Variants in MAGI1 observed in about 807,000 individuals in gnomAD.
MAGI1 encodes membrane associated guanylate kinase, WW and PDZ domain containing 1.
MAGI1 carries 58 observed loss-of-function variants against 139.9 expected under a neutral mutation model. The observed-to-expected ratio is 0.41, with a 90% CI of 0.34 to 0.52. The LOEUF is 0.52. Among genes scored for constraint, MAGI1 ranks in the 20% least tolerant of loss-of-function variants. The probability of loss-of-function intolerance (pLI) is 0.12; values close to 1 mark genes in which losing one functional copy is unlikely to be tolerated. For missense variants in MAGI1, 1,874 were observed against 1,901.6 expected, an observed-to-expected ratio of 0.99 and a Z score of 0.27; for synonymous variants, 812 against 737.9, an observed-to-expected ratio of 1.10 and a Z score of -1.63.
At chr3:65,615,793 A>G (rs2083338853) in intron 2 of MAGI1, among the ~76,000 whole-genome samples, 1 of 152,186 alleles carries the variant, frequency 6.6e-6, no homozygotes, top group Admixed American at 6.5e-5. Context: ...ATTTGGCACA[A>G]AACTCCTTGC....
intron 1 of MAGI1, among the ~76,000 whole-genome samples, chr3:65,899,210 C>G (rs1369229164): frequency 6.6e-6 from 1 of 152,166 alleles, no homozygotes; most frequent in Admixed American, 6.5e-5. Context: ...ACCCACCACG[C>G]CCAGCCTAAA....
At chr3:65,634,835 C>T (rs1016476846) in intron 1 of MAGI1, among the ~76,000 whole-genome samples, 1 of 152,116 alleles carries the variant, frequency 6.6e-6, no homozygotes, top group African/African-American at 2.4e-5. Flanking sequence ...GTGACAACTG[C>T]ATCATGGCTT....
chr3:65,436,423 T>C (rs992621541), intron 10 of MAGI1, among the ~76,000 whole-genome samples: 1 of 152,178 alleles, frequency 6.6e-6, no homozygotes, highest in African/African-American at 2.4e-5. Flanking sequence ...TGCAAGGTTC[T>C]GGAGCTTCCA....
chr3:65,676,992 C>G (rs748142692), intron 1 of MAGI1, among the ~76,000 whole-genome samples: 8 of 152,160 alleles, frequency 5.3e-5, no homozygotes, highest in Non-Finnish European at 1.0e-4. Context: ...CAATGACTCC[C>G]GTGCTCTTGG....
chr3:65,584,506 A>G (rs1187962654), intron 2 of MAGI1, among the ~76,000 whole-genome samples: 1 of 152,176 alleles, frequency 6.6e-6, no homozygotes, highest in Non-Finnish European at 1.5e-5. Flanking sequence ...AATTACTCAA[A>G]GATTTCACAT....
At chr3:65,767,741 A>G (rs556632878) in intron 1 of MAGI1, among the ~76,000 whole-genome samples, 1 of 152,318 alleles carries the variant, frequency 6.6e-6, no homozygotes, top group East Asian at 1.9e-4. Context: ...AAACAAAATG[A>G]AAGTGTCTAA....
intron 5 of MAGI1, among the ~76,000 whole-genome samples, chr3:65,467,060 G>C (rs888741042): frequency 7.2e-5 from 11 of 152,178 alleles, no homozygotes; most frequent in African/African-American, 2.7e-4. Context: ...TTAGCTTTAA[G>C]TCTGGATAAA....
At chr3:65,845,395 C>T (rs1296883524) in intron 1 of MAGI1, among the ~76,000 whole-genome samples, 1 of 152,140 alleles carries the variant, frequency 6.6e-6, no homozygotes, top group African/African-American at 2.4e-5. Flanking sequence ...TACATGTCAA[C>T]TAATCTCACT....
rs1439574776 is a variant in MAGI1, at chr3:65,439,893, T to C, written c.1256A>G (p.Gln419Arg). Residue 419 changes from glutamine to arginine, a missense_variant, in exon 9 of 23, where the codon CAG becomes CGG. Gln to Arg is a conservative substitution (Grantham distance 43). This residue lies in a region of MAGI1 where 648 missense variants were observed against 598.1 expected (regional missense o/e 1.08). Transcript: ENST00000402939. ...AAGAGGCCAACCTTCTGTCTGCTGC[T>C]GCTGCTGCTGCTGCTGCTGCTGTTG... Reference protein sequence around the residue: ...QQQQQQQQQQQQQTEEWTEDH... With the variant: ...QQQQQQQQQQRQQTEEWTEDH... 6.2e-7 allele frequency: 1 copy of C among 1,603,008 alleles called. No individual in the cohort carries two copies. Among genetic ancestry groups the C allele is most frequent in the Admixed American group, 1.7e-5 (1 of 59,726 alleles).
chr3:65,898,571 T>C (rs1358887591), intron 1 of MAGI1, among the ~76,000 whole-genome samples: 2 of 152,314 alleles, frequency 1.3e-5, no homozygotes, highest in Non-Finnish European at 2.9e-5. Flanking sequence ...AGTTCATGGC[T>C]CCTTCATTTG....
chr3:65,831,894 T>C (rs1230050510), intron 1 of MAGI1, among the ~76,000 whole-genome samples: 1 of 152,214 alleles, frequency 6.6e-6, no homozygotes, highest in African/African-American at 2.4e-5. Flanking sequence ...GGTTACAGCT[T>C]GCCAAAGTTG....
At chr3:65,846,369 T>C (rs1186422152) in intron 1 of MAGI1, among the ~76,000 whole-genome samples, 3 of 152,204 alleles carry the variant, frequency 2.0e-5, no homozygotes, top group Admixed American at 1.3e-4. Flanking sequence ...TCTGCAAAAT[T>C]GCAAATCAAG....
At chr3:66,031,604 C>T (rs1177862426) in intron 1 of MAGI1, among the ~76,000 whole-genome samples, 1 of 151,836 alleles carries the variant, frequency 6.6e-6, no homozygotes, top group Non-Finnish European at 1.5e-5. Flanking sequence ...GTACAGTGTT[C>T]CACAGTGTAA....
At chr3:65,672,403 C>A (rs1184907880) in intron 1 of MAGI1, among the ~76,000 whole-genome samples, 2 of 152,116 alleles carry the variant, frequency 1.3e-5, no homozygotes, top group African/African-American at 4.8e-5. Context: ...TGATAAATCG[C>A]TGACAAAGAA....
chr3:65,802,551 C>G (rs2040580240), intron 1 of MAGI1, among the ~76,000 whole-genome samples: 1 of 152,206 alleles, frequency 6.6e-6, no homozygotes, highest in Non-Finnish European at 1.5e-5. Context: ...ATCCACATTG[C>G]ACCCTGGGGT....
In MAGI1 at chr3:65,478,755, A is replaced by G. The variant is rs769970433; in HGVS notation, c.594T>C (p.Ser198=). The G allele has an allele frequency of 6.2e-7, 1 of 1,613,872 alleles. No homozygotes were observed. Among genetic ancestry groups the G allele is most frequent in the African/African-American group, 1.3e-5 (1 of 74,886 alleles). ...GTPKPPSQPV[S]GKVITTDALH... is the part of the protein sequence containing the mutation. ...AGGCATCCGTCGTGATCACTTTCCC[A>G]CTGACTGGCTGGCTAGGAGGCTTGG... Residue 198 remains serine, a synonymous_variant, in exon 4 of 23, where the codon AGT becomes AGC. Transcript: ENST00000402939.
intron 1 of MAGI1, among the ~76,000 whole-genome samples, chr3:65,974,666 C>T (rs2065178562): frequency 6.6e-6 from 1 of 152,120 alleles, no homozygotes; most frequent in African/African-American, 2.4e-5. Context: ...CCAAAGGATA[C>T]TCTTCCAAGC....
chr3:65,412,335 GCCAA>G (rs1410826352), intron 12 of MAGI1, among the ~76,000 whole-genome samples: 1 of 152,200 alleles, frequency 6.6e-6, no homozygotes, highest in Non-Finnish European at 1.5e-5. Context: ...CCTTCAGAGA[GCCAA>G]CCAGAGATCC....
chr3:65,682,986 T>C (rs1302075126), intron 1 of MAGI1, among the ~76,000 whole-genome samples: 4 of 152,028 alleles, frequency 2.6e-5, no homozygotes, highest in African/African-American at 9.7e-5. Flanking sequence ...TAGATTCTCA[T>C]AAAGAGTGCA....
Sources: allele counts gnomAD v4.1 joint callset (sites outside exome capture counted in the v4.1 genomes callset), GRCh38; gene constraint gnomAD v4.1.1; regional missense constraint gnomAD v4.1.1; transcripts MANE v1.5; gene names NCBI Gene and HGNC (gene_info 2026-07-23, HGNC 2026-07-21).